Variants in CHST11 observed in about 807,000 individuals in gnomAD.
CHST11 encodes the protein carbohydrate sulfotransferase 11, also known as C4S-1.
In CHST11, 9 loss-of-function variants were observed where a neutral mutation model predicts 30.4. The ratio of observed to expected loss-of-function variants is 0.30; its 90% CI spans 0.18 to 0.52. CHST11 has a LOEUF of 0.52. Ranked by LOEUF, CHST11 falls within the 20% of genes least tolerant of loss-of-function variation. The pLI is 0.97. For missense variants in CHST11, 348 were observed against 460.6 expected (o/e 0.76, Z 2.24); for synonymous variants, 152 against 187.8 (o/e 0.81, Z 1.56).
At chr12:104,560,624 G>T (rs1344698067) in intron 1 of CHST11, among the ~76,000 whole-genome samples, 1 of 152,172 alleles carries the variant, frequency 6.6e-6, no homozygotes, top group Admixed American at 6.5e-5. Flanking sequence ...GAAAGATAAG[G>T]TTTCTAGTTC....
At chr12:104,742,648 G>A (rs1368591279) in intron 2 of CHST11, among the ~76,000 whole-genome samples, 6 of 152,266 alleles carry the variant, frequency 3.9e-5, no homozygotes, top group East Asian at 1.9e-4. Flanking sequence ...CCAGGCCTCC[G>A]GAAGCCCAAA....
intron 1 of CHST11, among the ~76,000 whole-genome samples, chr12:104,572,781 T>C (rs1314210425): frequency 1.3e-5 from 2 of 152,376 alleles, no homozygotes; most frequent in Admixed American, 6.5e-5. Context: ...TTGCTCTTGC[T>C]TCTCTACTTT....
chr12:104,733,019 G>C (rs1023246331), intron 2 of CHST11, among the ~76,000 whole-genome samples: 18 of 152,216 alleles, frequency 1.2e-4, no homozygotes, highest in Non-Finnish European at 2.1e-4. Flanking sequence ...TTGTGTAGTA[G>C]GTATGACCAG....
intron 2 of CHST11, among the ~76,000 whole-genome samples, chr12:104,682,885 G>A (rs182223917): frequency 4.6e-5 from 7 of 152,288 alleles, no homozygotes; most frequent in South Asian, 2.1e-4. Flanking sequence ...TACCGTAACC[G>A]TAGCCACCGA....
At chr12:104,656,558 G>A (rs2039546413) in intron 2 of CHST11, among the ~76,000 whole-genome samples, 1 of 152,208 alleles carries the variant, frequency 6.6e-6, no homozygotes, top group Non-Finnish European at 1.5e-5. Flanking sequence ...AGCTCAGCGT[G>A]CATGCGGTGA....
At chr12:104,585,990 A>G (rs572434043) in intron 1 of CHST11, among the ~76,000 whole-genome samples, 4 of 152,002 alleles carry the variant, frequency 2.6e-5, no homozygotes. Flanking sequence ...CACTTAATTT[A>G]ACTCATTATA....
At chr12:104,738,005 T>G (rs2040315283) in intron 2 of CHST11, among the ~76,000 whole-genome samples, 1 of 152,168 alleles carries the variant, frequency 6.6e-6, no homozygotes, top group South Asian at 2.1e-4. Context: ...CGATCCTACT[T>G]GCTTTTTTGA....
chr12:104,748,594 C>T (rs1183540803), intron 2 of CHST11, among the ~76,000 whole-genome samples: 2 of 150,882 alleles, frequency 1.3e-5, no homozygotes, highest in African/African-American at 4.9e-5. Context: ...GGAGTGGAGT[C>T]GGGGGAGAGA....
At chr12:104,494,799 A>T (rs2037784399) in intron 1 of CHST11, among the ~76,000 whole-genome samples, 1 of 152,186 alleles carries the variant, frequency 6.6e-6, no homozygotes, top group Non-Finnish European at 1.5e-5. Flanking sequence ...AAATAATTTT[A>T]AAAATGTAAA....
chr12:104,743,369 G>A (rs977088446), intron 2 of CHST11, among the ~76,000 whole-genome samples: 29 of 152,110 alleles, frequency 1.9e-4, no homozygotes, highest in Non-Finnish European at 3.1e-4. Context: ...GGCTGGTTCC[G>A]CCTTGTCTTT....
At chr12:104,466,214 T>C (rs1424466891) in intron 1 of CHST11, among the ~76,000 whole-genome samples, 3 of 152,120 alleles carry the variant, frequency 2.0e-5, no homozygotes, top group East Asian at 1.9e-4. Flanking sequence ...TTTGTGCTTA[T>C]AGAGGCATAA....
chr12:104,617,972 G>A (rs1311524257), intron 2 of CHST11, among the ~76,000 whole-genome samples: 16 of 151,090 alleles, frequency 1.1e-4, no homozygotes, highest in East Asian at 3.9e-4. Context: ...GCCATGGTGC[G>A]ATCTCGGCTC....
intron 1 of CHST11, among the ~76,000 whole-genome samples, chr12:104,587,137 A>G (rs1654915577): frequency 6.6e-6 from 1 of 152,144 alleles, no homozygotes; most frequent in Non-Finnish European, 1.5e-5. Flanking sequence ...TTTTCATGTC[A>G]CTGTGATGAC....
At chr12:104,643,191 C>T (rs773841725) in intron 2 of CHST11, among the ~76,000 whole-genome samples, 19 of 151,660 alleles carry the variant, frequency 1.3e-4, no homozygotes, top group Admixed American at 2.0e-4. Flanking sequence ...CTGGGCATGA[C>T]GGCACATGCC....
intron 1 of CHST11, among the ~76,000 whole-genome samples, chr12:104,497,165 G>C (rs1018867010): frequency 2.0e-5 from 3 of 152,182 alleles, no homozygotes; most frequent in African/African-American, 4.8e-5. Context: ...AAGTTCATAT[G>C]TTGAAGACCT....
At chr12:104,491,524 A>C (rs1272819051) in intron 1 of CHST11, among the ~76,000 whole-genome samples, 1 of 151,262 alleles carries the variant, frequency 6.6e-6, no homozygotes, top group Non-Finnish European at 1.5e-5. Flanking sequence ...GGTGGAGTGC[A>C]GTGGTATGAT....
In CHST11 at chr12:104,618,241, T is replaced by A. The variant is rs866722717; in HGVS notation, c.204+16250T>A. Among the ~76,000 whole-genome samples, 30 of 143,914 alleles carry A rather than the reference T, an allele frequency of 2.1e-4. 1 individual carries two copies. The Middle Eastern group carries it at 0.02, about 97-fold the overall frequency. The allele number at this position is 143,914 out of a possible 152,430, so 94.4% of individuals were successfully genotyped here. Reference sequence around the variant, plus strand: ...TTTCTTTTCTTTTTTTTTTTTTTTTTAAAGCAGGGTGTTGCTCTGTTGCCC... The same window carrying A: ...TTTCTTTTCTTTTTTTTTTTTTTTTAAAAGCAGGGTGTTGCTCTGTTGCCC... On this transcript the variant is annotated intron_variant, in intron 2 of 2. Coordinates refer to ENST00000303694, the MANE Select transcript of CHST11 (RefSeq NM_018413.6).
At chr12:104,621,624 G>GGA (rs1181322435) in intron 2 of CHST11, among the ~76,000 whole-genome samples, 1 of 152,184 alleles carries the variant, frequency 6.6e-6, no homozygotes, top group Non-Finnish European at 1.5e-5. Flanking sequence ...AGCAGAGCTT[G>GGA]GAGTGATGTG....
chr12:104,489,552 C>T (rs904891806), intron 1 of CHST11, among the ~76,000 whole-genome samples: 8 of 152,100 alleles, frequency 5.3e-5, no homozygotes, highest in African/African-American at 1.9e-4. Flanking sequence ...GATCTTGGCT[C>T]ACTGCAACCT....
Sources: gnomAD v4.1 joint callset for allele counts (sites outside exome capture counted in the v4.1 genomes callset) on GRCh38, gnomAD v4.1.1 for gene constraint, MANE v1.5 for transcripts, NCBI Gene and HGNC (gene_info 2026-07-23, HGNC 2026-07-21) for gene names.